CAPN7: variants seen among roughly 807,000 people sequenced by gnomAD.
CAPN7 encodes the protein calpain 7.
Under a neutral mutation model 115.2 loss-of-function variants are expected in CAPN7, and 72 were observed. The observed-to-expected ratio is 0.63, with a 90% confidence interval of 0.52 to 0.76. CAPN7 has a LOEUF of 0.76. Ranked by LOEUF, CAPN7 falls within the 30% of genes least tolerant of loss-of-function variation. The probability of loss-of-function intolerance (pLI) is 0.00; values close to 1 mark genes in which losing one functional copy is unlikely to be tolerated. For missense variants in CAPN7, 905 were observed against 971.5 expected (o/e 0.93, Z 0.91); for synonymous variants, 344 against 322.3 (o/e 1.07, Z -0.72).
Position 15,235,114 on chromosome 3 carries a change from C to G in CAPN7, c.1376C>G (p.Ala459Gly). The part of the protein sequence containing the change: ...GEKWGLVPTH[A>G]YAVLDIREFK... ...AAGTGGGGTCTGGTTCCCACACACG[C>G]ATATGCTGTTTTGGATATTAGAGAG... Residue 459 changes from alanine to glycine, a missense_variant, in exon 12 of 21, where the codon GCA becomes GGA. Transcript: ENST00000253693. 2.5e-6 allele frequency: 4 copies of G among 1,612,574 alleles called. No homozygotes were observed. The highest frequency in any genetic ancestry group is 3.4e-6 in the Non-Finnish European group (4 of 1,179,450).
chr3:15,235,903 C>T (rs1694964912), intron 12 of CAPN7, among the ~76,000 whole-genome samples: 1 of 152,082 alleles, frequency 6.6e-6, no homozygotes, highest in East Asian at 1.9e-4. Flanking sequence ...ATTTATAATC[C>T]CGATACTTTG....
At chr3:15,238,341 C>T (rs1005301273) in intron 12 of CAPN7, among the ~76,000 whole-genome samples, 1 of 151,918 alleles carries the variant, frequency 6.6e-6, no homozygotes, top group Non-Finnish European at 1.5e-5. Flanking sequence ...GTCTCGATCT[C>T]CTGACCTCAT....
At chr3:15,227,144 A>T (rs1314902471) in intron 6 of CAPN7, among the ~76,000 whole-genome samples, 5 of 150,748 alleles carry the variant, frequency 3.3e-5, no homozygotes. Context: ...GGAAAGGGGG[A>T]AAGGTAGATG....
chr3:15,240,414 C>T, intron 12 of CAPN7, 59 bp from the exon 13 acceptor site: 1 of 1,467,170 alleles, frequency 6.8e-7, no homozygotes, highest in Non-Finnish European at 9.4e-7. Context: ...AATAAGAGAA[C>T]TAATATGGTA....
chr3:15,218,161 G>C (rs928596428), intron 3 of CAPN7, among the ~76,000 whole-genome samples: 2 of 152,176 alleles, frequency 1.3e-5, no homozygotes, highest in Non-Finnish European at 2.9e-5. Flanking sequence ...CCTGATTTCT[G>C]TAGGTGCCTT....
At chr3:15,208,072 A>T (rs1213015424) in intron 1 of CAPN7, among the ~76,000 whole-genome samples, 2 of 152,208 alleles carry the variant, frequency 1.3e-5, no homozygotes, top group Non-Finnish European at 2.9e-5. Context: ...GATGGCTATG[A>T]CATGACCAGG....
At chr3:15,221,928 TG>T (rs1365827524) in intron 5 of CAPN7, among the ~76,000 whole-genome samples, 1 of 151,760 alleles carries the variant, frequency 6.6e-6, no homozygotes, top group African/African-American at 2.4e-5. Flanking sequence ...CTCTCCAGCT[TG>T]GGCAACAGAG....
At position 15,212,212 on chromosome 3, in the gene CAPN7, G is replaced by T; in HGVS notation, c.211G>T (p.Val71Phe). ...LERVQALHSA[V>F]QSKSADPLKS... ...AAGAGTTCAAGCTCTACATTCAGCA[G>T]GTTAGTAAAGGACTACTAAACTTGT... The change falls in exon 2 of 21, where the codon GTT (valine) becomes TTT (phenylalanine). Residue 71 changes from valine to phenylalanine, a missense_variant and splice_region_variant. Transcript: ENST00000253693. 6.5e-7 allele frequency: 1 copy of T among 1,535,024 alleles called. No homozygotes were observed. Among genetic ancestry groups the T allele is most frequent in the Non-Finnish European group, 9.0e-7 (1 of 1,117,300 alleles).
At position 15,218,533 on chromosome 3, in the gene CAPN7, C is replaced by T. The variant is rs1693776386; in HGVS notation, c.430C>T (p.Leu144=). 2 of 1,611,634 alleles carry T rather than the reference C, an allele frequency of 1.2e-6. No individual in the cohort carries two copies. Among genetic ancestry groups the T allele is most frequent in the South Asian group, 1.1e-5 (1 of 91,006 alleles). ...NKLKQLARQA[L]DRAEALSEPL... ...ACTGAAACAGTTGGCTCGACAGGCA[C>T]TAGACAGGTGAGTTTGATCTCTCAA... is the stretch of plus-strand genomic sequence containing the variant. The change falls in exon 4 of 21, where the codon CTA becomes TTA. Residue 144 remains leucine, a synonymous_variant. Coordinates refer to ENST00000253693, the MANE Select transcript of CAPN7 (RefSeq NM_014296.3).
intron 1 of CAPN7, 37 bp downstream of exon 1, chr3:15,206,634 A>T (rs1160883749): frequency 6.9e-7 from 1 of 1,458,748 alleles, no homozygotes; most frequent in South Asian, 1.2e-5. Flanking sequence ...GGAGTTGCTC[A>T]GTCGGAGTGC....
intron 1 of CAPN7, among the ~76,000 whole-genome samples, chr3:15,211,576 A>G (rs759660047): frequency 2.1e-4 from 32 of 149,476 alleles, no homozygotes; most frequent in Admixed American, 5.4e-4. Context: ...TTCTGACTCT[A>G]TCTTTGAAAA....
At chr3:15,229,561 CTTTTTTTTTTTTTTTTTT>C (rs566957976) in intron 8 of CAPN7, among the ~76,000 whole-genome samples, 13 of 87,878 alleles carry the variant, frequency 1.5e-4, no homozygotes, top group African/African-American at 4.1e-4. Context: ...TACTTTTTTT[CTTTTTTTTTTTTTTTTTT>C]TTTTTTTTTT....
At chr3:15,233,235 G>A (rs978006737) in intron 10 of CAPN7, among the ~76,000 whole-genome samples, 4 of 152,118 alleles carry the variant, frequency 2.6e-5, no homozygotes, top group African/African-American at 7.2e-5. Context: ...GATGAAAATT[G>A]CATCTTTATT....
At position 15,247,420 on chromosome 3, in the gene CAPN7, A is replaced by G. The variant is rs775277371; in HGVS notation, c.2167A>G (p.Lys723Glu). The G allele has an allele frequency of 1.9e-6, 3 of 1,608,554 alleles. No individual in the cohort carries two copies. Among genetic ancestry groups the G allele is most frequent in the Admixed American group, 1.7e-5 (1 of 58,800 alleles). The stretch of plus-strand genomic sequence containing the variant: ...CCCCATCTACCAATTCCATATAGAA[A>G]AGACTGGGCCGTTACTGATTGAGCT... ...NNPIYQFHIE[K>E]TGPLLIELRG... The change falls in exon 19 of 21, where the codon AAG becomes GAG. Residue 723 changes from lysine to glutamate, a missense_variant. Physicochemically the swap from Lys to Glu is moderately conservative, Grantham distance 56. Coordinates refer to ENST00000253693, the MANE Select transcript of CAPN7 (RefSeq NM_014296.3).
Position 15,206,429 on chromosome 3 carries a change from C to T in CAPN7, c.-67C>T. ...CGAGTCCTCGCCGCCGCCGGGCCGC[C>T]GCAGTCCGCGAAGAGCCGTCCTGCG... On this transcript the variant is annotated 5_prime_UTR_variant, in exon 1 of 21. Transcript: ENST00000253693. 7 of 1,257,922 alleles carry T rather than the reference C, an allele frequency of 5.6e-6. No homozygotes were observed. The highest frequency in any genetic ancestry group is 7.8e-6 in the Non-Finnish European group (7 of 898,880). The allele number at this position is 1,257,922 out of a possible 1,614,324, so 77.9% of individuals were successfully genotyped here. A position where few individuals can be genotyped will look rare whatever the true frequency, so the allele number is the denominator to read the frequency against.
At chr3:15,230,671 C>T in intron 9 of CAPN7, 136 bp downstream of exon 9, 1 of 536,836 alleles carries the variant, frequency 1.9e-6, no homozygotes, top group South Asian at 3.4e-5. Flanking sequence ...TATATTACTA[C>T]CAGTAGCATC....
Position 15,252,440 on chromosome 3 carries a change from C to G in CAPN7, c.*1180C>G, listed in dbSNP as rs924363551. 6 of 152,634 alleles carry G rather than the reference C, an allele frequency of 3.9e-5. No homozygotes were observed. Among genetic ancestry groups the G allele is most frequent in the Non-Finnish European group, 8.8e-5 (6 of 68,012 alleles). The allele number at this position is 152,634 out of a possible 1,614,324, so 9.5% of individuals were successfully genotyped here. ...AACAGAGTAGTGGTAGATTATTACA[C>G]TAATGAGATTTCACTTTGGTAAATA... On this transcript the variant is annotated 3_prime_UTR_variant, in exon 21 of 21. Transcript: ENST00000253693.
At chr3:15,246,691 T>C (rs375570527) in intron 17 of CAPN7, 41 bp from the exon 18 acceptor site, 2 of 1,355,252 alleles carry the variant, frequency 1.5e-6, no homozygotes, top group Non-Finnish European at 2.1e-6. Context: ...GATGTTCTTG[T>C]AAGTGTAAAA....
Position 15,251,098 on chromosome 3 carries a change from C to T in CAPN7, c.2298-18C>T, listed in dbSNP as rs1409243142. The T allele has an allele frequency of 1.4e-5, 22 of 1,600,600 alleles. No homozygotes were observed. Among genetic ancestry groups the T allele is most frequent in the Non-Finnish European group, 1.8e-5 (21 of 1,173,472 alleles). ...CATCATCTTCTATAAACCTTATTCT[C>T]ATTTTCTCTAAATATAGGTGTGGGT... is the stretch of plus-strand genomic sequence containing the variant. On this transcript the variant is annotated intron_variant, in intron 20 of 20. Coordinates refer to ENST00000253693, the MANE Select transcript of CAPN7 (RefSeq NM_014296.3).
Sources: allele counts gnomAD v4.1 joint callset (sites outside exome capture counted in the v4.1 genomes callset), GRCh38; gene constraint gnomAD v4.1.1; transcripts MANE v1.5; gene names NCBI Gene and HGNC (gene_info 2026-07-23, HGNC 2026-07-21).